The following ZCCHC14 variants were observed in gnomAD, a reference collection of about 807,000 sequenced individuals.
ZCCHC14 encodes the protein zinc finger CCHC domain-containing protein 14.
ZCCHC14 carries 16 observed loss-of-function variants against 85.0 expected under a neutral mutation model. The observed-to-expected ratio is 0.19, with a 90% CI of 0.13 to 0.29. ZCCHC14 has a LOEUF of 0.29. Ranked by LOEUF, ZCCHC14 falls within the 10% of genes least tolerant of loss-of-function variation. The pLI is 1.00. For missense variants in ZCCHC14, 1,303 were observed against 1,443.5 expected (o/e 0.90, Z 1.58); for synonymous variants, 775 against 630.7 (o/e 1.23, Z -3.43).
At chr16:87,448,074 T>C (rs1425342282) in intron 2 of ZCCHC14, among the ~76,000 whole-genome samples, 11 of 152,234 alleles carry the variant, frequency 7.2e-5, no homozygotes, top group Non-Finnish European at 8.8e-5. Context: ...TGTAATCTAC[T>C]GCTTGGAATG....
At chr16:87,440,013 C>T (rs1041093366) in intron 2 of ZCCHC14, among the ~76,000 whole-genome samples, 5 of 152,158 alleles carry the variant, frequency 3.3e-5, no homozygotes, top group Non-Finnish European at 4.4e-5. Flanking sequence ...GCCTATGTTA[C>T]CCAGGCTGCG....
chr16:87,417,806 C>G, intron 7 of ZCCHC14, 64 bp from the exon 8 acceptor site: 1 of 1,481,850 alleles, frequency 6.7e-7, no homozygotes, highest in South Asian at 1.4e-5. Context: ...GACTCCACCA[C>G]AGACCTCACT....
Position 87,410,128 on chromosome 16 carries a change from C to T in ZCCHC14, c.*152G>A, listed in dbSNP as rs1050847. On this transcript the variant is annotated 3_prime_UTR_variant, in exon 13 of 13. Coordinates refer to ENST00000671377, the MANE Select transcript of ZCCHC14 (RefSeq NM_015144.3). ...TTGGCAATAAATCGAGTTTGATGCA[C>T]TTCTACGCTAGATTTTCTATCCAGT... 0.42 allele frequency: 225,815 copies of T among 538,364 alleles called. 57,147 individuals carry two copies. Among genetic ancestry groups the T allele is most frequent in the Non-Finnish European group, 0.55 (164,927 of 300,918 alleles). 33.3% of individuals were successfully genotyped at this position (538,364 alleles called of 1,614,324 possible). A position where few individuals can be genotyped will look rare whatever the true frequency, so the allele number is the denominator to read the frequency against.
intron 2 of ZCCHC14, among the ~76,000 whole-genome samples, chr16:87,455,183 G>A (rs751818435): frequency 6.6e-6 from 1 of 152,180 alleles, no homozygotes; most frequent in Non-Finnish European, 1.5e-5. Flanking sequence ...AGCTGCTAGG[G>A]AGGCTGAGGC....
In ZCCHC14 at chr16:87,462,462, C is replaced by T. The variant is rs187768625; in HGVS notation, c.571-2331G>A. 1.8e-4 allele frequency among the ~76,000 whole-genome samples: 27 copies of T among 152,336 alleles called. No individual in the cohort carries two copies. The East Asian group carries it at 4.8e-3, about 27-fold the overall frequency. On this transcript the variant is annotated intron_variant, in intron 1 of 12. Coordinates refer to ENST00000671377, the MANE Select transcript of ZCCHC14 (RefSeq NM_015144.3). The stretch of plus-strand genomic sequence containing the variant: ...ACTGTACAAGAAACACAGCCAAGGC[C>T]GGGTGCAGTGGCTCACGCCTGTAAT...
chr16:87,423,754 C>G (rs373280315), intron 4 of ZCCHC14, 56 bp downstream of exon 4: 1 of 1,585,544 alleles, frequency 6.3e-7, no homozygotes. Context: ...GTGGTATCAT[C>G]AGCCACTGGG....
chr16:87,462,469 A>G lies in ZCCHC14; in HGVS notation c.571-2338T>C, dbSNP rs142973550. Among the ~76,000 whole-genome samples the G allele has an allele frequency of 1.6e-3, 251 of 152,354 alleles. 1 individual carries two copies. The highest frequency in any genetic ancestry group is 0.01 in the Middle Eastern group (3 of 294). The stretch of plus-strand genomic sequence containing the variant: ...AAGAAACACAGCCAAGGCCGGGTGC[A>G]GTGGCTCACGCCTGTAATCCCAGCA... On this transcript the variant is annotated intron_variant, in intron 1 of 12. Coordinates refer to ENST00000671377, the MANE Select transcript of ZCCHC14 (RefSeq NM_015144.3).
At chr16:87,445,851 G>C (rs960563969) in intron 2 of ZCCHC14, among the ~76,000 whole-genome samples, 2 of 152,046 alleles carry the variant, frequency 1.3e-5, no homozygotes, top group African/African-American at 4.8e-5. Context: ...TGATTGTTGA[G>C]GGAAAACTAA....
chr16:87,412,772 A>C lies in ZCCHC14; in HGVS notation c.1949T>G (p.Val650Gly). 6.2e-7 allele frequency: 1 copy of C among 1,614,062 alleles called. No individual in the cohort carries two copies. The highest frequency in any genetic ancestry group is 8.5e-7 in the Non-Finnish European group (1 of 1,179,950). Reference protein sequence around the residue: ...HITPIRMLNSVHKPERGSADM... With the variant: ...HITPIRMLNSGHKPERGSADM... ...CGCGCTCCCTCTTTCCGGCTTGTGC[A>C]CGGAATTCAGCATGCGGATGGGTGT... The change falls in exon 12 of 13, where the codon GTG (valine) becomes GGG (glycine). Residue 650 changes from valine to glycine, a missense_variant. This residue lies in a region of ZCCHC14 where 797 missense variants were observed against 730.8 expected (regional missense o/e 1.09). Transcript: ENST00000671377.
intron 2 of ZCCHC14, among the ~76,000 whole-genome samples, chr16:87,438,350 C>T (rs1383589663): frequency 6.6e-6 from 1 of 152,270 alleles, no homozygotes; most frequent in Non-Finnish European, 1.5e-5. Flanking sequence ...TGAAACTCTG[C>T]AGCCAAGTCT....
chr16:87,463,786 T>C (rs1177103000), intron 1 of ZCCHC14, among the ~76,000 whole-genome samples: 2 of 151,970 alleles, frequency 1.3e-5, no homozygotes, highest in Non-Finnish European at 2.9e-5. Flanking sequence ...TTACACCATA[T>C]TGCACTCCAT....
chr16:87,440,771 C>T (rs1249892149), intron 2 of ZCCHC14, among the ~76,000 whole-genome samples: 1 of 151,676 alleles, frequency 6.6e-6, no homozygotes, highest in Non-Finnish European at 1.5e-5. Flanking sequence ...CATGCCCAGC[C>T]GATTTTTGTA....
intron 3 of ZCCHC14, among the ~76,000 whole-genome samples, chr16:87,427,680 C>G (rs1205867823): frequency 6.6e-6 from 1 of 152,112 alleles, no homozygotes; most frequent in Non-Finnish European, 1.5e-5. Flanking sequence ...CACTGTCGCC[C>G]AAGTTGGAGT....
chr16:87,492,310 G>A lies in ZCCHC14; in HGVS notation c.-72C>T. On this transcript the variant is annotated 5_prime_UTR_variant, in exon 1 of 13. Transcript: ENST00000671377. The surrounding 1 kb of genome is among the most constrained non-coding windows in gnomAD (Gnocchi z 6.7). ...GGGCGGCCGGGGGGCGCCGGGGGCC[G>A]CGGCCGGGGCGCGCCGGGACCGGGG... The A allele has an allele frequency of 1.3e-6, 1 of 791,722 alleles. No individual in the cohort carries two copies. Among genetic ancestry groups the A allele is most frequent in the Non-Finnish European group, 1.5e-6 (1 of 657,690 alleles). 49.0% of individuals were successfully genotyped at this position (791,722 alleles called of 1,614,324 possible). A position where few individuals can be genotyped will look rare whatever the true frequency, so the allele number is the denominator to read the frequency against.
chr16:87,482,025 ACT>A (rs1175707644), intron 1 of ZCCHC14, among the ~76,000 whole-genome samples: 1 of 151,858 alleles, frequency 6.6e-6, no homozygotes, highest in Non-Finnish European at 1.5e-5. Flanking sequence ...CACAAAAACC[ACT>A]CTCCGGTGAC....
chr16:87,485,980 C>G (rs1912499140), intron 1 of ZCCHC14, among the ~76,000 whole-genome samples: 1 of 152,090 alleles, frequency 6.6e-6, no homozygotes, highest in African/African-American at 2.4e-5. Flanking sequence ...CTCATCATAC[C>G]CAAATATGAC....
chr16:87,444,206 G>A (rs998628401), intron 2 of ZCCHC14, among the ~76,000 whole-genome samples: 4 of 152,116 alleles, frequency 2.6e-5, no homozygotes, highest in African/African-American at 9.7e-5. Flanking sequence ...ATGAACCTAG[G>A]CCGTTGGAAA....
chr16:87,439,753 G>C (rs1324655538), intron 2 of ZCCHC14, among the ~76,000 whole-genome samples: 1 of 152,098 alleles, frequency 6.6e-6, no homozygotes, highest in African/African-American at 2.4e-5. Context: ...AGATCTTAGA[G>C]GATGATTAAA....
At position 87,423,968 on chromosome 16, in the gene ZCCHC14, G is replaced by A. The variant is rs542725192; in HGVS notation, c.769-87C>T. The A allele has an allele frequency of 6.6e-5, 94 of 1,431,170 alleles. No individual in the cohort carries two copies. In the East Asian group the frequency reaches 7.9e-4, roughly 12 times the overall value. The allele number at this position is 1,431,170 out of a possible 1,614,324, so 88.7% of individuals were successfully genotyped here. Reference sequence around the variant, plus strand: ...GTGTCCTGGTACGACTGGGGCACACGTTCAGTCGGCAGCTGAGCCCAGTGG... The same window carrying A: ...GTGTCCTGGTACGACTGGGGCACACATTCAGTCGGCAGCTGAGCCCAGTGG... On this transcript the variant is annotated intron_variant, in intron 3 of 12. Coordinates refer to ENST00000671377, the MANE Select transcript of ZCCHC14 (RefSeq NM_015144.3).
Sources: allele counts gnomAD v4.1 joint callset (sites outside exome capture counted in the v4.1 genomes callset), GRCh38; gene constraint gnomAD v4.1.1; regional missense constraint gnomAD v4.1.1; non-coding constraint Gnocchi (gnomAD v3.1); transcripts MANE v1.5; gene names NCBI Gene and HGNC (gene_info 2026-07-23, HGNC 2026-07-21).